The following TMPRSS6 variants were observed in gnomAD, a reference collection of about 807,000 sequenced individuals.
TMPRSS6 encodes transmembrane protease serine 6.
Under a neutral mutation model 101.5 loss-of-function variants are expected in TMPRSS6, and 67 were observed. The observed-to-expected ratio is 0.66, with a 90% CI of 0.54 to 0.81. TMPRSS6 has a LOEUF of 0.81. TMPRSS6 is among the 30% of genes least tolerant of loss of function. The probability of loss-of-function intolerance (pLI) is 0.00; values close to 1 mark genes in which losing one functional copy is unlikely to be tolerated. For missense variants in TMPRSS6, 1,034 were observed against 1,088.7 expected (o/e 0.95, Z 0.71); for synonymous variants, 453 against 464.9 (o/e 0.97, Z 0.33).
chr22:37,068,839 C>A (rs2077287969), intron 16 of TMPRSS6, among the ~76,000 whole-genome samples: 1 of 152,360 alleles, frequency 6.6e-6, no homozygotes, highest in East Asian at 1.9e-4. Flanking sequence ...TTGCCCCACA[C>A]ATAACGCCCT....
Position 37,073,591 on chromosome 22 carries a change from T to C in TMPRSS6, c.1496A>G (p.Lys499Arg), listed in dbSNP as rs769274667. Residue 499 changes from lysine (K) to arginine (R), a missense_variant, in exon 13 of 18, where the codon AAG becomes AGG. Coordinates refer to ENST00000676104, the MANE Select transcript of TMPRSS6 (RefSeq NM_001374504.1). ...KEDSTCISLP[K>R]VCDGQPDCLN... The stretch of plus-strand genomic sequence containing the variant: ...ACAATCAGGCTGCCCATCACAGACC[T>C]TGGGCAGTGAGATGCATGTGCTGTC... The C allele has an allele frequency of 6.2e-7, 1 of 1,614,090 alleles. No individual in the cohort carries two copies. The highest frequency in any genetic ancestry group is 1.7e-5 in the Admixed American group (1 of 60,016).
In TMPRSS6 at chr22:37,096,169, G is replaced by A. The variant is rs149945066; in HGVS notation, c.405-79C>T. Reference sequence around the variant, plus strand: ...AGCTCCACCCCTGCTCATGCACATCGAGCACTTTCCGCACCTCAGCCATTG... The same window carrying A: ...AGCTCCACCCCTGCTCATGCACATCAAGCACTTTCCGCACCTCAGCCATTG... On this transcript the variant is annotated intron_variant, in intron 4 of 17. Transcript: ENST00000676104. 1.2e-4 allele frequency: 190 copies of A among 1,528,972 alleles called. No individual in the cohort carries two copies. In the African/African-American group the frequency reaches 2.1e-3, roughly 17 times the overall value. The allele number at this position is 1,528,972 out of a possible 1,614,324, so 94.7% of individuals were successfully genotyped here.
chr22:37,065,987 AC>A lies in TMPRSS6; in HGVS notation c.*92del. On this transcript the variant is annotated 3_prime_UTR_variant, in exon 18 of 18. Coordinates refer to ENST00000676104, the MANE Select transcript of TMPRSS6 (RefSeq NM_001374504.1). ...CACCACAGGGCCTGCTCTCTCCCCC[AC>A]CCCCCGCCAGAATACTTGTCCCCCT... The A allele has an allele frequency of 5.9e-6, 8 of 1,359,732 alleles. No individual in the cohort carries two copies. Among genetic ancestry groups the A allele is most frequent in the Middle Eastern group, 2.4e-4 (1 of 4,150 alleles). 84.2% of individuals were successfully genotyped at this position (1,359,732 alleles called of 1,614,324 possible). A position where few individuals can be genotyped will look rare whatever the true frequency, so the allele number is the denominator to read the frequency against.
chr22:37,093,400 T>C (rs1163492165), intron 6 of TMPRSS6, among the ~76,000 whole-genome samples: 1 of 131,374 alleles, frequency 7.6e-6, no homozygotes, highest in African/African-American at 2.9e-5. Flanking sequence ...TTTTTTTTTT[T>C]TTTTTTTTTT....
At chr22:37,076,943 G>A (rs551497999) in intron 10 of TMPRSS6, among the ~76,000 whole-genome samples, 38 of 152,336 alleles carry the variant, frequency 2.5e-4, no homozygotes, top group African/African-American at 8.7e-4. Context: ...AACACCCTGC[G>A]GAGCCGGCCA....
At chr22:37,104,482 G>A (rs1170167875) in intron 1 of TMPRSS6, among the ~76,000 whole-genome samples, 1 of 152,020 alleles carries the variant, frequency 6.6e-6, no homozygotes, top group Non-Finnish European at 1.5e-5. Flanking sequence ...CCCTCTCCAC[G>A]CTCCAGGGTT....
chr22:37,090,629 T>C (rs1929179918), intron 6 of TMPRSS6, among the ~76,000 whole-genome samples: 1 of 152,222 alleles, frequency 6.6e-6, no homozygotes, highest in African/African-American at 2.4e-5. Flanking sequence ...TGAGATACTT[T>C]CAATGATTGT....
At chr22:37,093,060 C>T (rs751268223) in intron 6 of TMPRSS6, among the ~76,000 whole-genome samples, 11 of 152,202 alleles carry the variant, frequency 7.2e-5, no homozygotes, top group Non-Finnish European at 1.0e-4. Flanking sequence ...ACACGGTCAT[C>T]CTGGTGTCCT....
chr22:37,093,166 G>A (rs1040550359), intron 6 of TMPRSS6, among the ~76,000 whole-genome samples: 1 of 152,066 alleles, frequency 6.6e-6, no homozygotes, highest in East Asian at 1.9e-4. Flanking sequence ...TCTGTGCTCT[G>A]GACATGCACT....
intron 16 of TMPRSS6, among the ~76,000 whole-genome samples, 159 bp downstream of exon 16, chr22:37,068,914 T>G (rs1926582727): frequency 6.6e-6 from 1 of 152,148 alleles, no homozygotes; most frequent in African/African-American, 2.4e-5. Flanking sequence ...TAAATGGTGG[T>G]TTTCTACCGT....
chr22:37,101,892 G>T lies in TMPRSS6; in HGVS notation c.202+1324C>A, dbSNP rs1291966445. Among the ~76,000 whole-genome samples, 1 of 152,190 alleles carries T rather than the reference G, an allele frequency of 6.6e-6. No homozygotes were observed. The highest frequency in any genetic ancestry group is 2.1e-4 in the South Asian group (1 of 4,832). The stretch of plus-strand genomic sequence containing the variant: ...CCCCCACAGCCCTGTGCTATCTGGG[G>T]CACTGGCTTCCTGCTGGTGGTGAAA... On this transcript the variant is annotated intron_variant, in intron 2 of 17. Coordinates refer to ENST00000676104, the MANE Select transcript of TMPRSS6 (RefSeq NM_001374504.1). The surrounding 1 kb of genome is among the most constrained non-coding windows in gnomAD (Gnocchi z 4.1).
chr22:37,068,609 GACTT>G lies in TMPRSS6; in HGVS notation c.2113+460_2113+463del, dbSNP rs774408269. The G allele has an allele frequency of 7.7e-6, 6 of 779,656 alleles. No individual in the cohort carries two copies. In the Admixed American group the frequency reaches 8.5e-5, roughly 11 times the overall value. The allele number at this position is 779,656 out of a possible 1,614,324, so 48.3% of individuals were successfully genotyped here. A position where few individuals can be genotyped will look rare whatever the true frequency, so the allele number is the denominator to read the frequency against. Reference sequence around the variant, plus strand: ...TTGCTCCAGTCCTCTCTGGCTGTGTGACTTACAGCAACATGTCTCTGAGCCTTGG... The same window carrying G: ...TTGCTCCAGTCCTCTCTGGCTGTGTGACAGCAACATGTCTCTGAGCCTTGG... On this transcript the variant is annotated intron_variant, in intron 16 of 17. Transcript: ENST00000676104.
At chr22:37,096,780 T>C (rs1929803497) in intron 3 of TMPRSS6, 65 bp from the exon 4 acceptor site, 2 of 1,482,724 alleles carry the variant, frequency 1.3e-6, no homozygotes, top group African/African-American at 1.4e-5. Context: ...ACTTCCTACC[T>C]GGAGGTGCCC....
rs1363821797 is a variant in TMPRSS6, at chr22:37,089,447, C to G, written c.836+131G>C. On this transcript the variant is annotated intron_variant, in intron 7 of 17. Coordinates refer to ENST00000676104, the MANE Select transcript of TMPRSS6 (RefSeq NM_001374504.1). Reference sequence around the variant, plus strand: ...CCCCTATCCCCTCTAAGCTAGCCGTCCTGTCTCCCAGATACCCAGGCCCAA... The same window carrying G: ...CCCCTATCCCCTCTAAGCTAGCCGTGCTGTCTCCCAGATACCCAGGCCCAA... 7 of 883,138 alleles carry G rather than the reference C, an allele frequency of 7.9e-6. No homozygotes were observed. In the East Asian group the frequency reaches 1.9e-4, roughly 23 times the overall value. 54.7% of individuals were successfully genotyped at this position (883,138 alleles called of 1,614,324 possible). A position where few individuals can be genotyped will look rare whatever the true frequency, so the allele number is the denominator to read the frequency against.
intron 2 of TMPRSS6, among the ~76,000 whole-genome samples, chr22:37,100,972 A>T (rs1021504326): frequency 6.6e-6 from 1 of 152,158 alleles, no homozygotes; most frequent in African/African-American, 2.4e-5. Context: ...AGAAGTGGAC[A>T]TTGGATTTAG....
chr22:37,099,453 A>C (rs1233994699), intron 2 of TMPRSS6, among the ~76,000 whole-genome samples: 1 of 152,190 alleles, frequency 6.6e-6, no homozygotes, highest in South Asian at 2.1e-4. Context: ...TGTTTTGCAA[A>C]GGCTATTTTG....
chr22:37,079,542 G>A (rs954263469), intron 10 of TMPRSS6, among the ~76,000 whole-genome samples: 5 of 152,206 alleles, frequency 3.3e-5, no homozygotes, highest in Non-Finnish European at 5.9e-5. Flanking sequence ...AGGGGAAGGA[G>A]GGTCACAGAA....
Position 37,101,206 on chromosome 22 carries a change from G to C in TMPRSS6, c.202+2010C>G, listed in dbSNP as rs1337138039. On this transcript the variant is annotated intron_variant, in intron 2 of 17. Transcript: ENST00000676104. The surrounding 1 kb of genome is among the most constrained non-coding windows in gnomAD (Gnocchi z 4.1). The stretch of plus-strand genomic sequence containing the variant: ...GGGCGGGATCGGGGTCCCAGGAGGA[G>C]TGCACGTGATGCAGCTGGGAGGGCA... Among the ~76,000 whole-genome samples, 2 of 152,142 alleles carry C rather than the reference G, an allele frequency of 1.3e-5. No homozygotes were observed. Among genetic ancestry groups the C allele is most frequent in the African/African-American group, 4.8e-5 (2 of 41,418 alleles).
In TMPRSS6 at chr22:37,066,215, C is replaced by T. The variant is rs771081531; in HGVS notation, c.2274G>A (p.Val758=). The change falls in exon 18 of 18, where the codon GTG becomes GTA. Residue 758 remains valine (V), a synonymous_variant. Transcript: ENST00000676104. Reference sequence around the variant, plus strand: ...ACCAGCGGCCACTGAGTGCCTTGCACACCAGCGGACCACCTGAGTCACCCT... The same window carrying T: ...ACCAGCGGCCACTGAGTGCCTTGCATACCAGCGGACCACCTGAGTCACCCT... ...ACQGDSGGPL[V]CKALSGRWFL... is the part of the protein sequence containing the mutation. The T allele has an allele frequency of 6.2e-7, 1 of 1,612,362 alleles. No individual in the cohort carries two copies. Among genetic ancestry groups the T allele is most frequent in the South Asian group, 1.1e-5 (1 of 91,024 alleles).
Sources: gnomAD v4.1 joint callset for allele counts (sites outside exome capture counted in the v4.1 genomes callset) on GRCh38, gnomAD v4.1.1 for gene constraint, Gnocchi (gnomAD v3.1) non-coding constraint, MANE v1.5 for transcripts, NCBI Gene and HGNC (gene_info 2026-07-23, HGNC 2026-07-21) for gene names.